CHMP4C: variants seen among roughly 807,000 people sequenced by gnomAD.
CHMP4C encodes charged multivesicular body protein 4C.
Under a neutral mutation model 29.0 loss-of-function variants are expected in CHMP4C, and 28 were observed. The ratio of observed to expected loss-of-function variants is 0.97; its 90% CI spans 0.72 to 1.32. The LOEUF (loss-of-function observed/expected upper bound fraction) is 1.32. Among genes scored for constraint, CHMP4C ranks in the 40% most tolerant of loss-of-function variants. The pLI is 0.00. For missense variants in CHMP4C, 291 were observed against 281.0 expected (o/e 1.04, Z -0.25); for synonymous variants, 106 against 102.4 (o/e 1.04, Z -0.21).
intron 1 of CHMP4C, among the ~76,000 whole-genome samples, chr8:81,735,344 T>C (rs1289424167): frequency 1.3e-5 from 2 of 152,176 alleles, no homozygotes; most frequent in Non-Finnish European, 2.9e-5. Flanking sequence ...TGGAAAGAAT[T>C]CAATCTTAGG....
rs75294822 is a variant in CHMP4C, at chr8:81,744,642, C to T, written c.191-8422C>T. On this transcript the variant is annotated intron_variant, in intron 1 of 4. Transcript: ENST00000297265. ...ACATATCTCTTCTTATTCTCCTCTA[C>T]ATCTTCTCTACTACTTGAGGTAAAG... is the stretch of plus-strand genomic sequence containing the variant. Among the ~76,000 whole-genome samples the T allele has an allele frequency of 7.4e-4, 112 of 152,312 alleles. 2 individuals carry two copies. In the East Asian group the frequency reaches 0.013, roughly 18 times the overall value.
rs373921771 is a variant in CHMP4C at position 81,753,127 on chromosome 8, C to T, written c.254C>T (p.Thr85Ile). The T allele has an allele frequency of 4.3e-6, 7 of 1,612,426 alleles. No homozygotes were observed. The African/African-American group carries it at 6.7e-5, about 15-fold the overall frequency. The change falls in exon 2 of 5, where the codon ACA (threonine) becomes ATA (isoleucine). Residue 85 changes from threonine (T) to isoleucine (I), a missense_variant. By Grantham distance (89) the Thr-to-Ile change is moderately conservative. Coordinates refer to ENST00000297265, the MANE Select transcript of CHMP4C (RefSeq NM_152284.4). ...FEKQLTQIDG[T>I]LSTIEFQREA... ...AAACAGCTCACTCAGATTGATGGCA[C>T]ACTTTCTACCATTGAGTTCCAGAGA...
rs780581498 is a variant in CHMP4C, at chr8:81,758,546, C to T, written c.*2C>T. On this transcript the variant is annotated 3_prime_UTR_variant, in exon 5 of 5. Transcript: ENST00000297265. ...CAATTGGCAGCTTGGGCTACCTAAACTAAAACACATTTTTGATACCTAAAT... is the reference window on the plus strand; with the variant it reads ...CAATTGGCAGCTTGGGCTACCTAAATTAAAACACATTTTTGATACCTAAAT... The T allele has an allele frequency of 1.4e-5, 23 of 1,597,720 alleles. No homozygotes were observed. Among genetic ancestry groups the T allele is most frequent in the Non-Finnish European group, 2.0e-5 (23 of 1,165,272 alleles).
At chr8:81,733,226 G>T (rs1808642052) in intron 1 of CHMP4C, among the ~76,000 whole-genome samples, 1 of 151,988 alleles carries the variant, frequency 6.6e-6, no homozygotes, top group African/African-American at 2.4e-5. Context: ...GTGATGATTT[G>T]TTCATCGTGG....
chr8:81,739,097 C>CTTT (rs68130793), intron 1 of CHMP4C, among the ~76,000 whole-genome samples: 2 of 100,734 alleles, frequency 2.0e-5, no homozygotes, highest in Admixed American at 1.2e-4. Context: ...TTTCTTTTCC[C>CTTT]TTTTTTTTTT....
At chr8:81,735,629 T>G (rs1485542306) in intron 1 of CHMP4C, among the ~76,000 whole-genome samples, 1 of 152,228 alleles carries the variant, frequency 6.6e-6, no homozygotes, top group Non-Finnish European at 1.5e-5. Context: ...GCTAATATAT[T>G]CTCTGAATGG....
At position 81,755,077 on chromosome 8, in the gene CHMP4C, C is replaced by T. The variant is rs141883648; in HGVS notation, c.369-293C>T. Among the ~76,000 whole-genome samples the T allele has an allele frequency of 1.6e-4, 25 of 151,758 alleles. 1 individual carries two copies. Among genetic ancestry groups the T allele is most frequent in the African/African-American group, 6.0e-4 (25 of 41,376 alleles). The stretch of plus-strand genomic sequence containing the variant: ...GCATGTATTTAAATTTGTCATATGC[C>T]CTATCAGACAAAATTTCAAAATGGG... On this transcript the variant is annotated intron_variant, in intron 2 of 4. Coordinates refer to ENST00000297265, the MANE Select transcript of CHMP4C (RefSeq NM_152284.4).
At chr8:81,743,216 T>C (rs1165160870) in intron 1 of CHMP4C, among the ~76,000 whole-genome samples, 1 of 151,200 alleles carries the variant, frequency 6.6e-6, no homozygotes, top group Non-Finnish European at 1.5e-5. Flanking sequence ...GAATACTTTT[T>C]TACAAGTAGA....
At chr8:81,758,399 T>A (rs1001832196) in intron 4 of CHMP4C, 81 bp from the exon 5 acceptor site, 4 of 1,544,916 alleles carry the variant, frequency 2.6e-6, no homozygotes, top group Middle Eastern at 3.4e-4. Context: ...GAACACATTT[T>A]TATATGTAAT....
At chr8:81,743,621 G>A (rs371030935) in intron 1 of CHMP4C, among the ~76,000 whole-genome samples, 1 of 152,154 alleles carries the variant, frequency 6.6e-6, no homozygotes, top group Non-Finnish European at 1.5e-5. Context: ...TACAAGAGAT[G>A]AGAATTTTAG....
At position 81,758,481 on chromosome 8, in the gene CHMP4C, A is replaced by G. The variant is rs1282214430; in HGVS notation, c.639A>G (p.Ala213=). The G allele has an allele frequency of 3.7e-6, 6 of 1,611,746 alleles. No homozygotes were observed. The highest frequency in any genetic ancestry group is 3.3e-5 in the Admixed American group (2 of 59,930). Reference sequence around the variant, plus strand: ...ATTTTTATCTATTTTATGTTCCAGCATCTTCCCAGAGGGCAGAAGAAGAGG... The same window carrying G: ...ATTTTTATCTATTTTATGTTCCAGCGTCTTCCCAGAGGGCAGAAGAAGAGG... ...MSSTARRSRA[A]SSQRAEEEDD... The change falls in exon 5 of 5, where the codon GCA becomes GCG. Residue 213 remains alanine, a splice_region_variant and synonymous_variant. Transcript: ENST00000297265.
chr8:81,754,595 A>G (rs1808947864), intron 2 of CHMP4C, among the ~76,000 whole-genome samples: 1 of 152,118 alleles, frequency 6.6e-6, no homozygotes, highest in Admixed American at 6.6e-5. Flanking sequence ...CTTATATCCA[A>G]TCAGTTTGGC....
chr8:81,732,486 G>T lies in CHMP4C; in HGVS notation c.-141G>T, dbSNP rs995326771. On this transcript the variant is annotated 5_prime_UTR_variant, in exon 1 of 5. Transcript: ENST00000297265. ...CCTGGAGTGTGTGTCACCTGTCCAGGACGACTTGTTGATTCCCAGGAGGGC... is the reference window on the plus strand; with the variant it reads ...CCTGGAGTGTGTGTCACCTGTCCAGTACGACTTGTTGATTCCCAGGAGGGC... The T allele has an allele frequency of 8.1e-6, 5 of 617,580 alleles. No individual in the cohort carries two copies. The African/African-American group carries it at 9.3e-5, about 11-fold the overall frequency. The allele number at this position is 617,580 out of a possible 1,614,324, so 38.3% of individuals were successfully genotyped here. A position where few individuals can be genotyped will look rare whatever the true frequency, so the allele number is the denominator to read the frequency against.
chr8:81,735,387 C>A (rs764053944), intron 1 of CHMP4C, among the ~76,000 whole-genome samples: 30 of 152,102 alleles, frequency 2.0e-4, no homozygotes, highest in Non-Finnish European at 8.8e-5. Context: ...AATATCAGAA[C>A]CTTCTAAATA....
intron 1 of CHMP4C, among the ~76,000 whole-genome samples, chr8:81,752,785 C>T (rs1311346440): frequency 6.6e-6 from 1 of 152,064 alleles, no homozygotes; most frequent in Non-Finnish European, 1.5e-5. Context: ...ATTGACAAAA[C>T]ATTTCTTTGG....
intron 1 of CHMP4C, among the ~76,000 whole-genome samples, chr8:81,743,982 T>C (rs940608507): frequency 9.9e-5 from 15 of 152,226 alleles, no homozygotes; most frequent in African/African-American, 3.6e-4. Flanking sequence ...AGCTTGCTTA[T>C]AGCAATATTG....
chr8:81,738,538 C>T (rs975861025), intron 1 of CHMP4C, among the ~76,000 whole-genome samples: 3 of 152,286 alleles, frequency 2.0e-5, no homozygotes, highest in South Asian at 4.1e-4. Context: ...AGAACCTCCT[C>T]GGTCTCTTAA....
intron 2 of CHMP4C, among the ~76,000 whole-genome samples, chr8:81,754,411 G>C (rs1327665203): frequency 1.3e-5 from 2 of 152,054 alleles, no homozygotes; most frequent in African/African-American, 4.8e-5. Context: ...GAATAATAAG[G>C]TTTAAAGATA....
intron 1 of CHMP4C, among the ~76,000 whole-genome samples, chr8:81,745,821 A>T (rs1251134217): frequency 1.3e-5 from 2 of 152,210 alleles, no homozygotes; most frequent in Non-Finnish European, 2.9e-5. Flanking sequence ...TGTCTTAGAA[A>T]GAATGTTGTC....
Sources: allele counts gnomAD v4.1 joint callset (sites outside exome capture counted in the v4.1 genomes callset), GRCh38; gene constraint gnomAD v4.1.1; transcripts MANE v1.5; gene names NCBI Gene and HGNC (gene_info 2026-07-23, HGNC 2026-07-21).